Variants in RELN observed in about 807,000 individuals in gnomAD.
RELN encodes the protein reelin.
A neutral mutation model predicts 427.6 loss-of-function variants in RELN; 108 were observed. The ratio of observed to expected loss-of-function variants is 0.25; its 90% CI spans 0.22 to 0.30. The LOEUF (loss-of-function observed/expected upper bound fraction) is 0.30, where lower values mean the gene tolerates loss of function less well. Among genes scored for constraint, RELN ranks in the 10% least tolerant of loss-of-function variants. The pLI is 1.00. For missense variants in RELN, 3,715 were observed against 4,302.8 expected, an observed-to-expected ratio of 0.86 and a Z score of 3.82; for synonymous variants, 1,524 against 1,513.4, an observed-to-expected ratio of 1.01 and a Z score of -0.16.
At chr7:103,717,411 G>A (rs1789965863) in intron 8 of RELN, among the ~76,000 whole-genome samples, 1 of 150,718 alleles carries the variant, frequency 6.6e-6, no homozygotes, top group African/African-American at 2.4e-5. Context: ...AGGATACCCT[G>A]CATCATAATC....
intron 3 of RELN, among the ~76,000 whole-genome samples, chr7:103,825,384 T>C (rs1257713358): frequency 1.3e-5 from 2 of 152,122 alleles, no homozygotes; most frequent in Admixed American, 1.3e-4. Flanking sequence ...TCACTTGTCA[T>C]ATTTGGCTAC....
chr7:103,905,887 G>A (rs955455822), intron 2 of RELN, among the ~76,000 whole-genome samples: 1 of 152,138 alleles, frequency 6.6e-6, no homozygotes, highest in South Asian at 2.1e-4. Context: ...GGAGCAGAGG[G>A]GAAGGGTTCT....
At chr7:103,475,953 A>C (rs1021344149) in intron 64 of RELN, among the ~76,000 whole-genome samples, 1 of 152,072 alleles carries the variant, frequency 6.6e-6, no homozygotes, top group Non-Finnish European at 1.5e-5. Flanking sequence ...GGGTCTTGCT[A>C]TGTTGGCCAG....
intron 2 of RELN, among the ~76,000 whole-genome samples, chr7:103,897,565 G>A (rs1794988980): frequency 6.6e-6 from 1 of 152,012 alleles, no homozygotes; most frequent in South Asian, 2.1e-4. Flanking sequence ...TAAGAAGAGA[G>A]TTGTTTATAT....
intron 3 of RELN, 55 bp from the exon 4 acceptor site, chr7:103,776,682 T>C (rs1195793537): frequency 8.9e-6 from 14 of 1,576,114 alleles, no homozygotes; most frequent in Admixed American, 5.0e-5. Flanking sequence ...TTGGTGAAAA[T>C]GTATGTTTAA....
intron 4 of RELN, among the ~76,000 whole-genome samples, chr7:103,754,761 G>A (rs563321743): frequency 6.6e-6 from 1 of 152,116 alleles, no homozygotes; most frequent in African/African-American, 2.4e-5. Flanking sequence ...GAGCAAGAGA[G>A]TCAGACCCTG....
chr7:103,848,097 T>C (rs1411364836), intron 2 of RELN, among the ~76,000 whole-genome samples: 3 of 152,210 alleles, frequency 2.0e-5, no homozygotes, highest in Non-Finnish European at 2.9e-5. Context: ...ACAGTTAAAA[T>C]AATCAGATCC....
chr7:103,877,295 T>A (rs528026441), intron 2 of RELN, among the ~76,000 whole-genome samples: 1 of 152,182 alleles, frequency 6.6e-6, no homozygotes, highest in South Asian at 2.1e-4. Context: ...CAGTTGCATA[T>A]TGGACACTTC....
chr7:103,573,886 T>C lies in RELN; in HGVS notation c.4511+206A>G, dbSNP rs535554283. Among the ~76,000 whole-genome samples the C allele has an allele frequency of 7.2e-5, 11 of 152,288 alleles. No individual in the cohort carries two copies. Among genetic ancestry groups the C allele is most frequent in the Non-Finnish European group, 5.9e-5 (4 of 68,016 alleles). ...CACAGGCCTTGGTGATGACCACACA[T>C]GGATTTATGAATTGCAGCATGGTCT... is the stretch of plus-strand genomic sequence containing the variant. On this transcript the variant is annotated intron_variant, in intron 30 of 64. Transcript: ENST00000428762. This position sits in a 1 kb window ranked among gnomAD's most constrained non-coding sequence, Gnocchi z 4.4.
chr7:103,902,397 TA>T (rs1477809447), intron 2 of RELN, among the ~76,000 whole-genome samples: 5 of 152,100 alleles, frequency 3.3e-5, no homozygotes, highest in African/African-American at 1.2e-4. Context: ...TTGATAACTA[TA>T]TTTATTTTAC....
chr7:103,665,011 T>C (rs12672672), intron 11 of RELN, among the ~76,000 whole-genome samples: 39,301 of 152,058 alleles, frequency 0.26, 5,235 homozygotes, highest in Middle Eastern at 0.37. Context: ...TGATTCTCCC[T>C]TACCCTCAAA....
intron 1 of RELN, among the ~76,000 whole-genome samples, chr7:103,967,758 G>A (rs993801128): frequency 7.2e-5 from 11 of 152,152 alleles, no homozygotes; most frequent in African/African-American, 2.7e-4. Flanking sequence ...AGTCTCTATA[G>A]GTACACCTTT....
At chr7:103,955,688 C>T (rs1022349992) in intron 1 of RELN, among the ~76,000 whole-genome samples, 5 of 152,242 alleles carry the variant, frequency 3.3e-5, no homozygotes, top group African/African-American at 7.2e-5. Flanking sequence ...CTGTAAGGCC[C>T]CGATCTACAT....
At chr7:103,476,212 C>T (rs1828026562) in intron 64 of RELN, among the ~76,000 whole-genome samples, 1 of 152,110 alleles carries the variant, frequency 6.6e-6, no homozygotes, top group African/African-American at 2.4e-5. Flanking sequence ...CACCTGTAAT[C>T]CCAGCACTTT....
At chr7:103,591,041 T>A (rs979701654) in intron 27 of RELN, among the ~76,000 whole-genome samples, 3 of 152,258 alleles carry the variant, frequency 2.0e-5, no homozygotes, top group Admixed American at 1.3e-4. Flanking sequence ...TCCAAATGAA[T>A]CAGTTTAGGC....
chr7:103,844,132 A>C (rs1793620726), intron 2 of RELN, among the ~76,000 whole-genome samples: 1 of 152,276 alleles, frequency 6.6e-6, no homozygotes, highest in African/African-American at 2.4e-5. Context: ...GCCACAGAAA[A>C]TCAAAAAGGA....
intron 25 of RELN, among the ~76,000 whole-genome samples, chr7:103,595,017 T>C (rs1248525409): frequency 1.3e-5 from 2 of 152,178 alleles, no homozygotes; most frequent in Admixed American, 1.3e-4. Context: ...ATACGTATAA[T>C]TTGGTGATCT....
rs74919359 is a variant in RELN at position 103,810,602 on chromosome 7, C to T, written c.473+22935G>A. Among the ~76,000 whole-genome samples the T allele has an allele frequency of 9.3e-4, 142 of 152,206 alleles. 1 individual carries two copies. The East Asian group carries it at 0.024, about 26-fold the overall frequency. On this transcript the variant is annotated intron_variant, in intron 3 of 64. Coordinates refer to ENST00000428762, the MANE Select transcript of RELN (RefSeq NM_005045.4). ...AAGGCGCGCCAACCTGGCAATCTCG[C>T]TATTATCTTAGTGCTCCTGGTTGCA...
At chr7:103,517,345 T>A (rs1224844559) in intron 49 of RELN, among the ~76,000 whole-genome samples, 1 of 152,202 alleles carries the variant, frequency 6.6e-6, no homozygotes, top group African/African-American at 2.4e-5. Context: ...TTCCTAATTC[T>A]AAATTAGTTT....
Sources: gnomAD v4.1 joint callset for allele counts (sites outside exome capture counted in the v4.1 genomes callset) on GRCh38, gnomAD v4.1.1 for gene constraint, Gnocchi (gnomAD v3.1) non-coding constraint, MANE v1.5 for transcripts, NCBI Gene and HGNC (gene_info 2026-07-23, HGNC 2026-07-21) for gene names.